The following ARSB variants were observed in gnomAD, a reference collection of about 807,000 sequenced individuals.
ARSB encodes the protein N-acetylgalactosamine-4-sulfatase.
Under a neutral mutation model 50.9 loss-of-function variants are expected in ARSB, and 41 were observed. The ratio of observed to expected loss-of-function variants is 0.81; its 90% CI spans 0.63 to 1.04. The LOEUF is 1.04. Among genes scored for constraint, ARSB ranks in the 50% least tolerant of loss-of-function variants. The probability of loss-of-function intolerance (pLI) is 0.00; values close to 1 mark genes in which losing one functional copy is unlikely to be tolerated. For missense variants in ARSB, 672 were observed against 693.3 expected (o/e 0.97, Z 0.35); for synonymous variants, 269 against 284.8 (o/e 0.94, Z 0.56).
chr5:78,804,045 G>T (rs990563677), intron 6 of ARSB, among the ~76,000 whole-genome samples: 1 of 152,154 alleles, frequency 6.6e-6, no homozygotes, highest in Non-Finnish European at 1.5e-5. Context: ...GTATAAGCAG[G>T]CACCCAAATG....
chr5:78,827,597 C>G (rs996871947), intron 6 of ARSB, among the ~76,000 whole-genome samples: 9 of 152,186 alleles, frequency 5.9e-5, no homozygotes, highest in African/African-American at 2.2e-4. Context: ...TTAGTAAAAA[C>G]CAGCCTACAA....
intron 5 of ARSB, among the ~76,000 whole-genome samples, chr5:78,839,859 C>T (rs190023800): frequency 2.0e-5 from 3 of 152,108 alleles, no homozygotes; most frequent in Non-Finnish European, 4.4e-5. Context: ...AAAGAGTAAC[C>T]TACATCAGAA....
chr5:78,784,085 T>G (rs1749015663), intron 6 of ARSB, among the ~76,000 whole-genome samples: 1 of 152,234 alleles, frequency 6.6e-6, no homozygotes, highest in Admixed American at 6.5e-5. Flanking sequence ...GTCCTTTCAT[T>G]TACTCCTCTA....
At chr5:78,885,426 A>G (rs1747971710) in intron 5 of ARSB, 158 bp downstream of exon 5, 3 of 1,012,806 alleles carry the variant, frequency 3.0e-6, no homozygotes, top group Non-Finnish European at 4.2e-6. Flanking sequence ...AAAAATATAT[A>G]TACTTACAAT....
chr5:78,793,986 C>A (rs1743083128), intron 6 of ARSB, among the ~76,000 whole-genome samples: 1 of 152,052 alleles, frequency 6.6e-6, no homozygotes, highest in South Asian at 2.1e-4. Flanking sequence ...GGCAGAGGCA[C>A]AAAGCAACGT....
intron 4 of ARSB, among the ~76,000 whole-genome samples, chr5:78,903,776 T>A (rs1416657437): frequency 6.6e-6 from 1 of 152,250 alleles, no homozygotes; most frequent in Admixed American, 6.5e-5. Flanking sequence ...AGAGATTACA[T>A]GAATCTTTTC....
chr5:78,783,814 A>C (rs1270286129), intron 6 of ARSB, among the ~76,000 whole-genome samples: 3 of 152,226 alleles, frequency 2.0e-5, no homozygotes, highest in African/African-American at 7.2e-5. Context: ...TAAGACAAAC[A>C]GGAACATAAA....
intron 5 of ARSB, among the ~76,000 whole-genome samples, chr5:78,847,067 T>C (rs1583874): frequency 0.26 from 39,874 of 152,158 alleles, 6,999 homozygotes; most frequent in African/African-American, 0.5. Flanking sequence ...GATTTGTATA[T>C]GTTGAACCAT....
rs1484901028 is a variant in ARSB at position 78,779,409 on chromosome 5, C to T, written c.*988G>A. 2 of 152,166 alleles carry T rather than the reference C, an allele frequency of 1.3e-5. No individual in the cohort carries two copies. The highest frequency in any genetic ancestry group is 2.4e-5 in the African/African-American group (1 of 41,430). 9.4% of individuals were successfully genotyped at this position (152,166 alleles called of 1,614,324 possible). ...ACTGCTAGTAAATAGCAGTGCAAGTCTTAATATATTATGAAATAAAGCTAC... is the reference window on the plus strand; with the variant it reads ...ACTGCTAGTAAATAGCAGTGCAAGTTTTAATATATTATGAAATAAAGCTAC... On this transcript the variant is annotated 3_prime_UTR_variant, in exon 8 of 8. Coordinates refer to ENST00000264914, the MANE Select transcript of ARSB (RefSeq NM_000046.5).
rs1065757 is a variant in ARSB, at chr5:78,885,654, C to A, written c.1072G>T (p.Val358Leu). Residue 358 changes from valine (V) to leucine (L), a missense_variant, in exon 5 of 8, where the codon GTG becomes TTG. Val to Leu is a conservative substitution (Grantham distance 32). Transcript: ENST00000264914. Reference protein sequence around the residue: ...IHISDWLPTLVKLARGHTNGT... With the variant: ...IHISDWLPTLLKLARGHTNGT... ...TTGGTGTGTCCCCTGGCCAGCTTCA[C>A]GAGTGTTGGCAGCCAGTCAGAGATG... 2 of 1,613,796 alleles carry A rather than the reference C, an allele frequency of 1.2e-6. No homozygotes were observed. The highest frequency in any genetic ancestry group is 1.7e-6 in the Non-Finnish European group (2 of 1,179,918).
intron 6 of ARSB, among the ~76,000 whole-genome samples, chr5:78,833,548 T>C (rs1414213473): frequency 6.6e-6 from 1 of 152,042 alleles, no homozygotes; most frequent in Non-Finnish European, 1.5e-5. Context: ...GTCATGAAGC[T>C]GGGAGGCAGT....
chr5:78,839,569 C>G (rs1193777676), intron 5 of ARSB, 143 bp from the exon 6 acceptor site: 2 of 747,502 alleles, frequency 2.7e-6, no homozygotes, highest in African/African-American at 3.5e-5. Context: ...TCTCCACAAT[C>G]ACGGCTGGTG....
At chr5:78,843,535 C>G (rs1462637111) in intron 5 of ARSB, among the ~76,000 whole-genome samples, 2 of 152,164 alleles carry the variant, frequency 1.3e-5, no homozygotes, top group Non-Finnish European at 2.9e-5. Flanking sequence ...TATAAAAGCA[C>G]CCAAACTTAG....
intron 4 of ARSB, among the ~76,000 whole-genome samples, chr5:78,944,070 C>T (rs534556014): frequency 2.5e-4 from 38 of 152,304 alleles, no homozygotes; most frequent in African/African-American, 8.9e-4. Flanking sequence ...TTGATCAAAT[C>T]GGCTACTGAG....
At chr5:78,794,436 G>C (rs1743103441) in intron 6 of ARSB, among the ~76,000 whole-genome samples, 1 of 152,158 alleles carries the variant, frequency 6.6e-6, no homozygotes, top group Admixed American at 6.5e-5. Flanking sequence ...GTAGTAAGAG[G>C]GGAGGGTGTG....
intron 6 of ARSB, among the ~76,000 whole-genome samples, chr5:78,798,274 G>C (rs1743248730): frequency 1.3e-5 from 2 of 151,488 alleles, no homozygotes; most frequent in Non-Finnish European, 2.9e-5. Context: ...ATCGAATACA[G>C]AACTAGGGCC....
At chr5:78,847,542 C>G (rs371740032) in intron 5 of ARSB, among the ~76,000 whole-genome samples, 4 of 152,234 alleles carry the variant, frequency 2.6e-5, no homozygotes, top group African/African-American at 9.6e-5. Flanking sequence ...TGTTGTATCT[C>G]TGTCTAGTTT....
At chr5:78,880,748 G>A (rs902354018) in intron 5 of ARSB, among the ~76,000 whole-genome samples, 1 of 152,126 alleles carries the variant, frequency 6.6e-6, no homozygotes, top group Non-Finnish European at 1.5e-5. Context: ...AAAAGAATGT[G>A]TAATCAATTT....
chr5:78,963,915 T>G lies in ARSB; in HGVS notation c.690+501A>C, dbSNP rs74489640. ...AAAGATCTAGAATAGCAAAATATTCTTGTAGGGAGGAAGTACAAGGTTAGA... is the reference window on the plus strand; with the variant it reads ...AAAGATCTAGAATAGCAAAATATTCGTGTAGGGAGGAAGTACAAGGTTAGA... On this transcript the variant is annotated intron_variant, in intron 3 of 7. Transcript: ENST00000264914. Among the ~76,000 whole-genome samples, 163 of 152,268 alleles carry G rather than the reference T, an allele frequency of 1.1e-3. 1 individual carries two copies. The highest frequency in any genetic ancestry group is 3.8e-3 in the African/African-American group (158 of 41,562).
Sources: allele counts gnomAD v4.1 joint callset (sites outside exome capture counted in the v4.1 genomes callset), GRCh38; gene constraint gnomAD v4.1.1; transcripts MANE v1.5; gene names NCBI Gene and HGNC (gene_info 2026-07-23, HGNC 2026-07-21).